ERBB2: variants seen among roughly 807,000 people sequenced by gnomAD.
ERBB2 encodes the protein receptor tyrosine-protein kinase erbB-2.
In ERBB2, 61 loss-of-function variants were observed where a neutral mutation model predicts 149.0. The observed-to-expected ratio is 0.41, with a 90% CI of 0.33 to 0.51. The LOEUF (loss-of-function observed/expected upper bound fraction) is 0.51. ERBB2 is among the 20% of genes least tolerant of loss of function. The pLI, the probability that ERBB2 is intolerant of heterozygous loss-of-function variation, is 0.25. For missense variants in ERBB2, 1,205 were observed against 1,655.1 expected (o/e 0.73, Z 4.72); for synonymous variants, 633 against 678.8 (o/e 0.93, Z 1.05).
intron 1 of ERBB2, among the ~76,000 whole-genome samples, chr17:39,704,888 G>C (rs1567895550): frequency 6.6e-6 from 1 of 152,148 alleles, no homozygotes; most frequent in Non-Finnish European, 1.5e-5. Flanking sequence ...TAGAGCCTGT[G>C]GTGTTTATCG....
intron 9 of ERBB2, among the ~76,000 whole-genome samples, chr17:39,714,894 C>A (rs558783637): frequency 6.6e-6 from 1 of 151,410 alleles, no homozygotes; most frequent in African/African-American, 2.4e-5. Flanking sequence ...CTCAGCCTCT[C>A]GAGTAACTGG....
intron 9 of ERBB2, among the ~76,000 whole-genome samples, chr17:39,714,772 C>CTTTTT (rs1305856787): frequency 7.3e-6 from 1 of 136,250 alleles, no homozygotes; most frequent in African/African-American, 2.7e-5. Context: ...GATTTCTTTT[C>CTTTTT]TTTTTTTTTT....
In ERBB2 at chr17:39,724,775, TG is replaced by T. The variant is rs2059657112; in HGVS notation, c.2360del (p.Gly787AlafsTer4). On this transcript the variant is annotated frameshift_variant, in exon 20 of 27. Transcript: ENST00000269571. LOFTEE classifies it high-confidence loss of function. The stretch of plus-strand genomic sequence containing the variant: ...GGCTCCCCATATGTCTCCCGCCTTC[TG>T]GGCATCTGCCTGACATCCACGGTGC... ...GVGSPYVSRL[L>X]GICLTSTVQL... 1.2e-6 allele frequency: 2 copies of T among 1,614,088 alleles called. No individual in the cohort carries two copies. Among genetic ancestry groups the T allele is most frequent in the African/African-American group, 2.7e-5 (2 of 74,928 alleles).
upstream of ERBB2, among the ~76,000 whole-genome samples, chr17:39,691,559 AT>A (rs2057699895): frequency 1.3e-4 from 9 of 67,890 alleles, no homozygotes; most frequent in African/African-American, 3.7e-4. Context: ...AAAAAAAAAT[AT>A]ATATATATAT....
At chr17:39,706,070 A>G (rs1223111680) in intron 1 of ERBB2, among the ~76,000 whole-genome samples, 1 of 152,170 alleles carries the variant, frequency 6.6e-6, no homozygotes, top group Non-Finnish European at 1.5e-5. Flanking sequence ...TACCTCCTCT[A>G]GTATTCCTGA....
chr17:39,724,005 T>C lies in ERBB2; in HGVS notation c.2302T>C (p.Leu768=), dbSNP rs1567912124. ...NTSPKANKEI[L]DEAYVMAGVG... Reference sequence around the variant, plus strand: ...ATCCCCCAAAGCCAACAAAGAAATCTTAGACGTAAGCCCCTCCACCCTCTC... The same window carrying C: ...ATCCCCCAAAGCCAACAAAGAAATCCTAGACGTAAGCCCCTCCACCCTCTC... Residue 768 remains leucine (L), a synonymous_variant, in exon 19 of 27, where the codon TTA becomes CTA. Coordinates refer to ENST00000269571, the MANE Select transcript of ERBB2 (RefSeq NM_004448.4). 6.2e-7 allele frequency: 1 copy of C among 1,612,316 alleles called. No individual in the cohort carries two copies. Among genetic ancestry groups the C allele is most frequent in the Non-Finnish European group, 8.5e-7 (1 of 1,178,870 alleles).
In ERBB2 at chr17:39,724,272, A is replaced by ATTTTTTTTTTTTTTTTGTTTTTTT. The variant is rs2059620651; in HGVS notation, c.2307+279_2307+280insTTTTTTTTTTTTTTTTTTTTTTTG. ...TAGCTGGGATTACAAGCGCCCGCTA[A>ATTTTTTTTTTTTTTTTGTTTTTTT]TTTTTTTTTTTTTTTTGAGACAGAG... On this transcript the variant is annotated intron_variant, in intron 19 of 26. Coordinates refer to ENST00000269571, the MANE Select transcript of ERBB2 (RefSeq NM_004448.4). 2.6e-5 allele frequency among the ~76,000 whole-genome samples: 2 copies of ATTTTTTTTTTTTTTTTGTTTTTTT among 77,016 alleles called. 1 individual carries two copies. Among genetic ancestry groups the ATTTTTTTTTTTTTTTTGTTTTTTT allele is most frequent in the Non-Finnish European group, 5.4e-5 (2 of 37,238 alleles). 50.5% of individuals were successfully genotyped at this position (77,016 alleles called of 152,430 possible). A position where few individuals can be genotyped will look rare whatever the true frequency, so the allele number is the denominator to read the frequency against.
At chr17:39,691,498 T>C (rs908175996), upstream of ERBB2, among the ~76,000 whole-genome samples, 18 of 148,820 alleles carry the variant, frequency 1.2e-4, no homozygotes, top group Admixed American at 8.7e-4. Context: ...GAGCCTGGAT[T>C]ATGCCACTGC....
chr17:39,705,883 G>C (rs1321333911), intron 1 of ERBB2, among the ~76,000 whole-genome samples: 1 of 152,190 alleles, frequency 6.6e-6, no homozygotes, highest in Non-Finnish European at 1.5e-5. Context: ...GGGCAGCTCA[G>C]GCACCTGTGG....
chr17:39,703,897 G>T (rs1178702613), intron 1 of ERBB2, among the ~76,000 whole-genome samples: 1 of 152,218 alleles, frequency 6.6e-6, no homozygotes, highest in East Asian at 1.9e-4. Context: ...GAAACCAAGG[G>T]AAGTATTGGC....
Position 39,715,884 on chromosome 17 carries a change from T to G in ERBB2, c.1458T>G (p.Phe486Leu). The change falls in exon 12 of 27, where the codon TTT becomes TTG. Residue 486 changes from phenylalanine (F) to leucine (L), a missense_variant. Phe to Leu is a conservative substitution (Grantham distance 22, BLOSUM62 0). This residue lies in a region of ERBB2 where 569 missense variants were observed against 803.5 expected (regional missense o/e 0.71). Transcript: ENST00000269571. ...ACACGGTGCCCTGGGACCAGCTCTT[T>G]CGGAACCCGCACCAAGCTCTGCTCC... ...FVHTVPWDQL[F>L]RNPHQALLHT... 6.2e-7 allele frequency: 1 copy of G among 1,612,510 alleles called. No individual in the cohort carries two copies. Among genetic ancestry groups the G allele is most frequent in the Non-Finnish European group, 8.5e-7 (1 of 1,180,008 alleles).
rs770628068 is a variant in ERBB2 at position 39,725,289 on chromosome 17, AAC to A, written c.2650-32_2650-31del. 6.2e-6 allele frequency: 10 copies of A among 1,613,552 alleles called. No homozygotes were observed. The highest frequency in any genetic ancestry group is 4.4e-5 in the South Asian group (4 of 91,066). On this transcript the variant is annotated intron_variant, in intron 21 of 26. Coordinates refer to ENST00000269571, the MANE Select transcript of ERBB2 (RefSeq NM_004448.4). The surrounding 1 kb of genome is among the most constrained non-coding windows in gnomAD (Gnocchi z 4.6). The stretch of plus-strand genomic sequence containing the variant: ...GAACTCTGAGTGGCCACCTCCCCAC[AAC>A]ACACAGTTGGAGGACTTCCTCTTCT...
At position 39,700,215 on chromosome 17, in the gene ERBB2, G is replaced by A; in HGVS notation, c.-24G>A. ...CCCAGCCGGGTCCAGCCGGAGCCAT[G>A]GGGCCGGAGCCGCAGTGAGCACCAT... is the stretch of plus-strand genomic sequence containing the variant. On this transcript the variant is annotated 5_prime_UTR_variant, in exon 1 of 27. The change abolishes an upstream ATG in the 5' untranslated region. Coordinates refer to ENST00000269571, the MANE Select transcript of ERBB2 (RefSeq NM_004448.4). 7.0e-7 allele frequency: 1 copy of A among 1,432,494 alleles called. No individual in the cohort carries two copies. Among genetic ancestry groups the A allele is most frequent in the Non-Finnish European group, 9.1e-7 (1 of 1,097,498 alleles). The allele number at this position is 1,432,494 out of a possible 1,614,324, so 88.7% of individuals were successfully genotyped here.
rs764211319 is a variant in ERBB2, at chr17:39,723,561, C to T, written c.2109C>T (p.Ser703=). The T allele has an allele frequency of 3.3e-5, 53 of 1,611,182 alleles. No homozygotes were observed. The highest frequency in any genetic ancestry group is 4.5e-5 in the Non-Finnish European group (53 of 1,178,796). The change falls in exon 18 of 27, where the codon AGC becomes AGT. Residue 703 remains serine, a synonymous_variant. Coordinates refer to ENST00000269571, the MANE Select transcript of ERBB2 (RefSeq NM_004448.4). This position sits in a 1 kb window ranked among gnomAD's most constrained non-coding sequence, Gnocchi z 6.2. ...ETELVEPLTP[S]GAMPNQAQMR... is the part of the protein sequence containing the mutation. ...AGCTGGTGGAGCCGCTGACACCTAG[C>T]GGAGCGATGCCCAACCAGGCGCAGA...
chr17:39,726,868 G>A lies in ERBB2; in HGVS notation c.3024G>A (p.Leu1008=), dbSNP rs765296069. The A allele has an allele frequency of 1.3e-5, 21 of 1,613,826 alleles. No individual in the cohort carries two copies. Among genetic ancestry groups the A allele is most frequent in the Non-Finnish European group, 1.8e-5 (21 of 1,179,904 alleles). Residue 1008 remains leucine (L), a synonymous_variant, in exon 25 of 27, where the codon CTG becomes CTA. Coordinates refer to ENST00000269571, the MANE Select transcript of ERBB2 (RefSeq NM_004448.4). This position sits in a 1 kb window ranked among gnomAD's most constrained non-coding sequence, Gnocchi z 5.1. ...SPLDSTFYRS[L]LEDDDMGDLV... is the part of the protein sequence containing the mutation. ...TGGACAGCACCTTCTACCGCTCACT[G>A]CTGGAGGACGATGACATGGGGGACC... is the stretch of plus-strand genomic sequence containing the variant.
At chr17:39,722,600 A>T (rs2059508920) in intron 16 of ERBB2, among the ~76,000 whole-genome samples, 1 of 152,190 alleles carries the variant, frequency 6.6e-6, no homozygotes, top group African/African-American at 2.4e-5. Context: ...CTGGCAGTGT[A>T]AATGTTCTGA....
At chr17:39,693,813 G>C (rs1567887457), upstream of ERBB2, among the ~76,000 whole-genome samples, 1 of 149,568 alleles carries the variant, frequency 6.7e-6, no homozygotes, top group South Asian at 2.1e-4. Context: ...ATAGGGCTGG[G>C]TGTGGTGGCT....
chr17:39,699,485 T>C (rs920744790), upstream of ERBB2: 13 of 1,466,496 alleles, frequency 8.9e-6, no homozygotes, highest in Admixed American at 1.7e-4. Flanking sequence ...GTCCTTTCGA[T>C]GTGACTGTCT....
chr17:39,706,819 C>T, intron 1 of ERBB2, 171 bp from the exon 2 acceptor site: 1 of 489,442 alleles, frequency 2.0e-6, no homozygotes, highest in Non-Finnish European at 3.3e-6. Flanking sequence ...AGCACGCAAG[C>T]TTTCTCCTGC....
Sources: gnomAD v4.1 joint callset for allele counts (sites outside exome capture counted in the v4.1 genomes callset) on GRCh38, gnomAD v4.1.1 for gene constraint, gnomAD v4.1.1 regional missense constraint, Gnocchi (gnomAD v3.1) non-coding constraint, MANE v1.5 for transcripts, NCBI Gene and HGNC (gene_info 2026-07-23, HGNC 2026-07-21) for gene names.